The following TUSC3 variants were observed in gnomAD, a reference collection of about 807,000 sequenced individuals.
The protein encoded by TUSC3 is tumor suppressor candidate 3.
A neutral mutation model predicts 44.8 loss-of-function variants in TUSC3; 45 were observed. The observed-to-expected ratio is 1.00, with a 90% CI of 0.79 to 1.29. TUSC3 has a LOEUF of 1.29. Ranked by LOEUF, TUSC3 falls within the 50% of genes most tolerant of loss-of-function variation. The pLI is 0.00. For missense variants in TUSC3, 519 were observed against 437.9 expected (o/e 1.19, Z -1.65); for synonymous variants, 212 against 152.9 (o/e 1.39, Z -2.85).
At chr8:15,694,026 C>G (rs926907822) in intron 6 of TUSC3, among the ~76,000 whole-genome samples, 5 of 152,076 alleles carry the variant, frequency 3.3e-5, no homozygotes, top group Non-Finnish European at 7.4e-5. Context: ...TGTCTTTCAT[C>G]TCCTGTATAG....
chr8:15,563,654 C>G (rs986990510), intron 1 of TUSC3, among the ~76,000 whole-genome samples: 3 of 136,922 alleles, frequency 2.2e-5, no homozygotes, highest in Admixed American at 8.0e-5. Context: ...CCATAGCACT[C>G]CAGCCTGAGT....
intron 6 of TUSC3, among the ~76,000 whole-genome samples, chr8:15,696,742 T>C (rs1305707112): frequency 2.0e-5 from 3 of 152,192 alleles, no homozygotes; most frequent in Non-Finnish European, 4.4e-5. Context: ...GGGATATCTG[T>C]CTGTAGTTTT....
chr8:15,492,602 C>T (rs1309045989), intron 2 of TUSC3, among the ~76,000 whole-genome samples: 1 of 151,738 alleles, frequency 6.6e-6, no homozygotes, highest in Non-Finnish European at 1.5e-5. Flanking sequence ...ACTTGGTGAC[C>T]ACTCAGATAA....
At chr8:15,667,024 TG>T (rs1363619660) in intron 5 of TUSC3, among the ~76,000 whole-genome samples, 4 of 151,624 alleles carry the variant, frequency 2.6e-5, no homozygotes, top group African/African-American at 9.7e-5. Flanking sequence ...AGCATTTGAA[TG>T]TTCTTGGCTG....
At chr8:15,551,467 A>C (rs1446732726) in intron 1 of TUSC3, among the ~76,000 whole-genome samples, 1 of 151,674 alleles carries the variant, frequency 6.6e-6, no homozygotes, top group African/African-American at 2.4e-5. Flanking sequence ...GAGTTATATG[A>C]TTCGTGGGGG....
intron 1 of TUSC3, among the ~76,000 whole-genome samples, chr8:15,419,126 T>A (rs1290909218): frequency 1.3e-5 from 2 of 152,208 alleles, no homozygotes; most frequent in Non-Finnish European, 2.9e-5. Flanking sequence ...CCTTGCTGTG[T>A]AAAGAAGTCC....
intron 6 of TUSC3, among the ~76,000 whole-genome samples, chr8:15,708,364 G>A (rs1437463504): frequency 6.6e-6 from 1 of 151,932 alleles, no homozygotes; most frequent in Non-Finnish European, 1.5e-5. Flanking sequence ...AGGCATTTGG[G>A]TACCAGAAGC....
chr8:15,581,639 G>C (rs1369598781), intron 1 of TUSC3, among the ~76,000 whole-genome samples: 1 of 149,504 alleles, frequency 6.7e-6, no homozygotes. Flanking sequence ...TGGGGGTCAG[G>C]GGTCAGGGAC....
intron 7 of TUSC3, among the ~76,000 whole-genome samples, chr8:15,736,338 G>A (rs560845990): frequency 1.0e-3 from 155 of 152,248 alleles, no homozygotes; most frequent in African/African-American, 3.6e-3. Context: ...TGGATCTTAA[G>A]TGGAATATCA....
the TUSC3 span, among the ~76,000 whole-genome samples, chr8:15,801,920 G>A: frequency 3.9e-5 from 6 of 152,208 alleles, no homozygotes; most frequent in African/African-American, 1.4e-4. Flanking sequence ...CTGGTGAAAA[G>A]GCATGAATAG....
At chr8:15,821,535 T>G in the TUSC3 span, among the ~76,000 whole-genome samples, 4 of 151,890 alleles carry the variant, frequency 2.6e-5, no homozygotes, top group Non-Finnish European at 5.9e-5. Flanking sequence ...TTCTTCTGCT[T>G]TTTTACCCCA....
the TUSC3 span, among the ~76,000 whole-genome samples, chr8:15,829,690 A>C: frequency 4.6e-5 from 7 of 152,202 alleles, no homozygotes; most frequent in Admixed American, 3.9e-4. Context: ...TTCTGAGATT[A>C]TGAAACATTT....
At chr8:15,599,569 C>T (rs1001159917) in intron 1 of TUSC3, among the ~76,000 whole-genome samples, 7 of 151,634 alleles carry the variant, frequency 4.6e-5, no homozygotes, top group Non-Finnish European at 1.0e-4. Flanking sequence ...TTGCATTTCA[C>T]ATTAGGTCTG....
chr8:15,504,884 C>T (rs1801032983), intron 2 of TUSC3, among the ~76,000 whole-genome samples: 1 of 151,638 alleles, frequency 6.6e-6, no homozygotes, highest in Non-Finnish European at 1.5e-5. Context: ...CATCTCCTAA[C>T]ATTGTGATTC....
chr8:15,776,967 A>G, the TUSC3 span, among the ~76,000 whole-genome samples: 4,951 of 152,186 alleles, frequency 0.033, 219 homozygotes, highest in Admixed American at 0.084. Context: ...GTGTGTTGCT[A>G]TCTCTGCCTT....
the TUSC3 span, among the ~76,000 whole-genome samples, chr8:15,772,786 A>T: frequency 6.6e-6 from 1 of 152,232 alleles, no homozygotes; most frequent in Non-Finnish European, 1.5e-5. Flanking sequence ...CAGGATACTA[A>T]AAGTTTTATA....
intron 1 of TUSC3, among the ~76,000 whole-genome samples, chr8:15,607,356 A>G (rs1378555129): frequency 6.6e-6 from 1 of 152,160 alleles, no homozygotes; most frequent in East Asian, 1.9e-4. Flanking sequence ...GAAACTTTTA[A>G]GTGGCTCAAA....
chr8:15,433,664 C>A (rs1311199309), intron 1 of TUSC3, among the ~76,000 whole-genome samples: 1 of 152,124 alleles, frequency 6.6e-6, no homozygotes, highest in Non-Finnish European at 1.5e-5. Flanking sequence ...ATTAATTTGT[C>A]ACTTGCAGAA....
At chr8:15,816,233 A>G in the TUSC3 span, among the ~76,000 whole-genome samples, 1 of 152,164 alleles carries the variant, frequency 6.6e-6, no homozygotes, top group Admixed American at 6.6e-5. Flanking sequence ...AGAGATTTAG[A>G]TAATGAAGAG....
Sources: gnomAD v4.1 joint callset for allele counts (sites outside exome capture counted in the v4.1 genomes callset) on GRCh38, gnomAD v4.1.1 for gene constraint, MANE v1.5 for transcripts, NCBI Gene and HGNC (gene_info 2026-07-23, HGNC 2026-07-21) for gene names.